MTCL3: variants seen among roughly 807,000 people sequenced by gnomAD.
The protein encoded by MTCL3 is MTCL family member 3.
At chr6:127,502,964 A>T in the MTCL3 span, among the ~76,000 whole-genome samples, 1 of 152,326 alleles carries the variant, frequency 6.6e-6, no homozygotes, top group East Asian at 1.9e-4. Context: ...TGCTCCAAAG[A>T]TTCCCTTTCT....
the MTCL3 span, among the ~76,000 whole-genome samples, chr6:127,477,256 CA>C: frequency 6.6e-5 from 10 of 152,084 alleles, 1 homozygote; most frequent in African/African-American, 2.2e-4. Context: ...TAAAGCCTGG[CA>C]AAAGAATAGT....
the MTCL3 span, among the ~76,000 whole-genome samples, chr6:127,481,630 G>GA: frequency 2.8e-5 from 4 of 142,638 alleles, no homozygotes; most frequent in Non-Finnish European, 6.1e-5. Flanking sequence ...TATCTAATGT[G>GA]AAAAAAACCT....
the MTCL3 span, chr6:127,516,344 G>T: frequency 1.3e-6 from 2 of 1,594,808 alleles, no homozygotes. Flanking sequence ...CTGGCGGGCG[G>T]CCCCGTGCGG....
At chr6:127,516,201 C>T in the MTCL3 span, 1 of 1,432,652 alleles carries the variant, frequency 7.0e-7, no homozygotes, top group Non-Finnish European at 9.1e-7. Flanking sequence ...GTCCGGGCCT[C>T]CTGCCGCCCA....
chr6:127,515,098 C>G, the MTCL3 span: 10 of 1,484,240 alleles, frequency 6.7e-6, no homozygotes, highest in Admixed American at 1.7e-4. The surrounding 1 kb of genome is among the most constrained non-coding windows in gnomAD (Gnocchi z 4.3). Flanking sequence ...TCCAGCCCTT[C>G]CGACACACAC....
At chr6:127,474,892 C>A in the MTCL3 span, among the ~76,000 whole-genome samples, 1 of 152,156 alleles carries the variant, frequency 6.6e-6, no homozygotes, top group African/African-American at 2.4e-5. Flanking sequence ...GGCTCAAAAA[C>A]CACATATCAG....
At chr6:127,476,718 A>G in the MTCL3 span, among the ~76,000 whole-genome samples, 2 of 152,250 alleles carry the variant, frequency 1.3e-5, no homozygotes, top group Non-Finnish European at 2.9e-5. The surrounding 1 kb of genome is among the most constrained non-coding windows in gnomAD (Gnocchi z 4.4). Context: ...CTGTGGCATC[A>G]CTATTCAGAG....
At chr6:127,514,961 G>A in the MTCL3 span, 1 of 1,614,142 alleles carries the variant, frequency 6.2e-7, no homozygotes, top group Admixed American at 1.7e-5. Flanking sequence ...CCAACTCGTG[G>A]CGCATTTCCT....
the MTCL3 span, among the ~76,000 whole-genome samples, chr6:127,495,017 G>A: frequency 1.3e-5 from 2 of 152,134 alleles, no homozygotes; most frequent in Non-Finnish European, 2.9e-5. Flanking sequence ...CTAACATGGT[G>A]AGACCCCGTC....
chr6:127,475,349 C>G, the MTCL3 span: 71 of 1,613,074 alleles, frequency 4.4e-5, no homozygotes, highest in Non-Finnish European at 5.6e-5. This position sits in a 1 kb window ranked among gnomAD's most constrained non-coding sequence, Gnocchi z 7.3. Flanking sequence ...TTGGGCACCT[C>G]GAGGCGGTCG....
At chr6:127,484,804 A>G in the MTCL3 span, among the ~76,000 whole-genome samples, 1 of 152,194 alleles carries the variant, frequency 6.6e-6, no homozygotes, top group Non-Finnish European at 1.5e-5. Flanking sequence ...CAACCCCTTC[A>G]CATACATTAT....
chr6:127,485,688 G>A, the MTCL3 span, among the ~76,000 whole-genome samples: 1 of 152,066 alleles, frequency 6.6e-6, no homozygotes, highest in African/African-American at 2.4e-5. Context: ...ATGTGGTACT[G>A]TATATATGCC....
chr6:127,512,021 T>C, the MTCL3 span, among the ~76,000 whole-genome samples: 1 of 152,202 alleles, frequency 6.6e-6, no homozygotes, highest in South Asian at 2.1e-4. Context: ...TTCTCAATGG[T>C]AGTTTTCACA....
chr6:127,481,223 A>T, the MTCL3 span: 1 of 821,166 alleles, frequency 1.2e-6, no homozygotes, highest in South Asian at 5.6e-5. Flanking sequence ...ACAAATGTAG[A>T]TACAGCGTCT....
At chr6:127,513,136 C>T in the MTCL3 span, 3 of 1,234,230 alleles carry the variant, frequency 2.4e-6, no homozygotes, top group East Asian at 2.6e-5. Flanking sequence ...AGCATTAAAA[C>T]CCAATATTTA....
chr6:127,514,734 CACTGAAG>C, the MTCL3 span: 4 of 1,028,442 alleles, frequency 3.9e-6, no homozygotes, highest in Non-Finnish European at 5.7e-6. Context: ...TGCCAGTCGC[CACTGAAG>C]ACTTCTCAGC....
chr6:127,498,906 G>C, the MTCL3 span, among the ~76,000 whole-genome samples: 1 of 152,110 alleles, frequency 6.6e-6, no homozygotes, highest in Non-Finnish European at 1.5e-5. Context: ...TGGCTGATTG[G>C]GGTTAGAGCT....
the MTCL3 span, among the ~76,000 whole-genome samples, chr6:127,503,851 C>A: frequency 1.3e-5 from 2 of 152,208 alleles, no homozygotes; most frequent in South Asian, 2.1e-4. Context: ...TGGAAAGAGC[C>A]CTGGTTCACA....
chr6:127,500,199 G>A, the MTCL3 span, among the ~76,000 whole-genome samples: 35 of 152,198 alleles, frequency 2.3e-4, no homozygotes, highest in South Asian at 3.7e-3. Context: ...CCATAAATAC[G>A]TAGAGAGAAA....
Sources: allele counts gnomAD v4.1 joint callset (sites outside exome capture counted in the v4.1 genomes callset), GRCh38; gene constraint gnomAD v4.1.1; non-coding constraint Gnocchi (gnomAD v3.1); transcripts MANE v1.5; gene names NCBI Gene and HGNC (gene_info 2026-07-23, HGNC 2026-07-21).